The following SKI variants were observed in gnomAD, a reference collection of about 807,000 sequenced individuals.
The protein encoded by SKI is ski oncogene.
SKI carries 23 observed loss-of-function variants against 59.3 expected under a neutral mutation model. That is an observed-to-expected ratio of 0.39 (90% CI 0.28 to 0.55). The LOEUF (loss-of-function observed/expected upper bound fraction) is 0.55. SKI is among the 20% of genes least tolerant of loss of function. The probability of loss-of-function intolerance (pLI) is 0.67; values close to 1 mark genes in which losing one functional copy is unlikely to be tolerated. For missense variants in SKI, 1,017 were observed against 1,038.9 expected, an observed-to-expected ratio of 0.98 and a Z score of 0.29; for synonymous variants, 673 against 488.6, an observed-to-expected ratio of 1.38 and a Z score of -4.98.
intron 1 of SKI, among the ~76,000 whole-genome samples, chr1:2,278,964 C>T (rs1029174128): frequency 1.1e-4 from 17 of 152,170 alleles, no homozygotes; most frequent in Non-Finnish European, 2.5e-4. Context: ...TGGACCCTGG[C>T]GTTGAAGTGC....
intron 1 of SKI, among the ~76,000 whole-genome samples, chr1:2,298,208 CGTG>C (rs1640334374): frequency 6.6e-6 from 1 of 152,214 alleles, no homozygotes; most frequent in East Asian, 1.9e-4. Context: ...TGCGCGCCCT[CGTG>C]GGGGCTTGAG....
chr1:2,301,467 C>T (rs749914570), intron 1 of SKI, among the ~76,000 whole-genome samples: 4 of 151,552 alleles, frequency 2.6e-5, no homozygotes, highest in Non-Finnish European at 4.4e-5. Context: ...AGGCACCTGC[C>T]CCTCCCCTGG....
chr1:2,303,290 G>A lies in SKI; in HGVS notation c.1101G>A (p.Leu367=). 6.2e-7 allele frequency: 1 copy of A among 1,613,472 alleles called. No homozygotes were observed. Among genetic ancestry groups the A allele is most frequent in the South Asian group, 1.1e-5 (1 of 91,078 alleles). ...AGACAACTCTTTCTCGACAGAGCCT[G>A]GGCTGTGTTCACCCTCGCCAGCGCC... ...RTLAGSSNKS[L]GCVHPRQRLS... Residue 367 remains leucine (L), a synonymous_variant, in exon 3 of 7, where the codon CTG becomes CTA. Transcript: ENST00000378536. This position sits in a 1 kb window ranked among gnomAD's most constrained non-coding sequence, Gnocchi z 5.6.
rs766067033 is a variant in SKI at position 2,304,528 on chromosome 1, C to T, written c.1710C>T (p.Arg570=). ...TCCTGCATGAGGTGGTCAAGATGCG[C>T]GTGAAGCAGGAGGAGAAGCTCAGCG... is the stretch of plus-strand genomic sequence containing the variant. ...EKFLHEVVKM[R]VKQEEKLSAA... is the part of the protein sequence containing the mutation. The change falls in exon 5 of 7, where the codon CGC becomes CGT. Residue 570 remains arginine, a synonymous_variant. Coordinates refer to ENST00000378536, the MANE Select transcript of SKI (RefSeq NM_003036.4). 2.7e-5 allele frequency: 43 copies of T among 1,581,336 alleles called. No homozygotes were observed. The highest frequency in any genetic ancestry group is 1.2e-4 in the African/African-American group (9 of 73,916).
rs569163612 is a variant in SKI at position 2,289,324 on chromosome 1, G to T, written c.970-13654G>T. ...TTTGTCTTCATCCCTCTTCGGTGAG[G>T]GTGGCAGGCGGCCAGATGCCCATTA... On this transcript the variant is annotated intron_variant, in intron 1 of 6. Coordinates refer to ENST00000378536, the MANE Select transcript of SKI (RefSeq NM_003036.4). Among the ~76,000 whole-genome samples the T allele has an allele frequency of 3.2e-4, 48 of 152,274 alleles. 1 individual carries two copies. The highest frequency in any genetic ancestry group is 2.3e-3 in the South Asian group (11 of 4,824).
At chr1:2,272,127 C>T (rs1036170381) in intron 1 of SKI, among the ~76,000 whole-genome samples, 1 of 152,204 alleles carries the variant, frequency 6.6e-6, no homozygotes, top group East Asian at 1.9e-4. Context: ...GGTCACTGCC[C>T]CGATTTTTAT....
intron 1 of SKI, chr1:2,232,574 A>C (rs1192574072): frequency 6.6e-6 from 1 of 152,260 alleles, no homozygotes. Context: ...TCACGGGGTT[A>C]CAGAGGAAGC....
chr1:2,288,012 G>C (rs1234070927), intron 1 of SKI, among the ~76,000 whole-genome samples: 1 of 151,668 alleles, frequency 6.6e-6, no homozygotes, highest in African/African-American at 2.4e-5. Flanking sequence ...CCTTGAGACG[G>C]AGTTTCACTC....
rs730880212 is a variant in SKI, at chr1:2,304,386, C to T, written c.1568C>T (p.Ser523Leu). ...LGSPGARALP[S>L]AVPDAAAPAD... ...TCCCCGGGTGCGCGTGCCCTGCCCT[C>T]GGCCGTCCCTGATGCTGCGGCCCCT... Residue 523 changes from serine to leucine, a missense_variant, in exon 5 of 7, where the codon TCG becomes TTG. Coordinates refer to ENST00000378536, the MANE Select transcript of SKI (RefSeq NM_003036.4). 106 of 1,551,926 alleles carry T rather than the reference C, an allele frequency of 6.8e-5. No homozygotes were observed. Among genetic ancestry groups the T allele is most frequent in the Admixed American group, 1.2e-4 (6 of 51,240 alleles).
intron 1 of SKI, among the ~76,000 whole-genome samples, chr1:2,241,661 A>G (rs1048496086): frequency 3.9e-5 from 6 of 152,054 alleles, no homozygotes; most frequent in East Asian, 3.9e-4. Flanking sequence ...CCAAAGTGCT[A>G]GGATTACAGG....
chr1:2,263,418 A>G (rs1182999742), intron 1 of SKI, among the ~76,000 whole-genome samples: 1 of 149,614 alleles, frequency 6.7e-6, no homozygotes, highest in Non-Finnish European at 1.5e-5. Flanking sequence ...TTGTATTTTT[A>G]ATAGAGACGG....
chr1:2,288,101 G>A (rs1325619230), intron 1 of SKI, among the ~76,000 whole-genome samples: 1 of 151,884 alleles, frequency 6.6e-6, no homozygotes, highest in African/African-American at 2.4e-5. Flanking sequence ...TGATTCTCCT[G>A]CCTCAGCCTC....
intron 1 of SKI, among the ~76,000 whole-genome samples, chr1:2,294,036 A>C (rs1640229479): frequency 6.6e-6 from 1 of 151,906 alleles, no homozygotes. Flanking sequence ...CAGAACATGG[A>C]GGGGTGCTCA....
At chr1:2,234,437 C>T (rs1183009749) in intron 1 of SKI, among the ~76,000 whole-genome samples, 6 of 152,168 alleles carry the variant, frequency 3.9e-5, no homozygotes, top group Non-Finnish European at 7.3e-5. Flanking sequence ...GCCGTCCCTG[C>T]GGCTATTTGT....
At chr1:2,279,583 G>T (rs953679184) in intron 1 of SKI, among the ~76,000 whole-genome samples, 1 of 152,162 alleles carries the variant, frequency 6.6e-6, no homozygotes, top group East Asian at 1.9e-4. Flanking sequence ...CAGGGGGAGG[G>T]GGGAGGGGAG....
intron 1 of SKI, among the ~76,000 whole-genome samples, chr1:2,278,362 G>T (rs769657619): frequency 7.9e-5 from 12 of 152,186 alleles, no homozygotes; most frequent in Non-Finnish European, 1.6e-4. Context: ...GGGGGAGGAC[G>T]GCAGTCTGTA....
intron 1 of SKI, among the ~76,000 whole-genome samples, chr1:2,302,120 C>T (rs1640440223): frequency 6.6e-6 from 1 of 152,230 alleles, no homozygotes; most frequent in Admixed American, 6.5e-5. Flanking sequence ...ACACAACCCA[C>T]ATCACTCACT....
chr1:2,255,246 C>T lies in SKI; in HGVS notation c.969+25511C>T, dbSNP rs1412481305. On this transcript the variant is annotated intron_variant, in intron 1 of 6. Coordinates refer to ENST00000378536, the MANE Select transcript of SKI (RefSeq NM_003036.4). Reference sequence around the variant, plus strand: ...CATGTACCTGAGTGACCCCCACGTACCTGAGTGTGACAAGCACTATGGTGC... The same window carrying T: ...CATGTACCTGAGTGACCCCCACGTATCTGAGTGTGACAAGCACTATGGTGC... Among the ~76,000 whole-genome samples the T allele has an allele frequency of 3.9e-5, 6 of 152,260 alleles. No homozygotes were observed. The East Asian group carries it at 7.7e-4, about 20-fold the overall frequency.
At chr1:2,253,068 C>T (rs1639196650) in intron 1 of SKI, among the ~76,000 whole-genome samples, 2 of 149,678 alleles carry the variant, frequency 1.3e-5, no homozygotes, top group South Asian at 4.2e-4. Context: ...TGTACTGCAG[C>T]CTGGGTGATG....
Sources: allele counts gnomAD v4.1 joint callset (sites outside exome capture counted in the v4.1 genomes callset), GRCh38; gene constraint gnomAD v4.1.1; non-coding constraint Gnocchi (gnomAD v3.1); transcripts MANE v1.5; gene names NCBI Gene and HGNC (gene_info 2026-07-23, HGNC 2026-07-21).